ZBTB7C: variants seen among roughly 807,000 people sequenced by gnomAD.
The protein encoded by ZBTB7C is zinc finger and BTB domain-containing protein 7C.
A neutral mutation model predicts 25.7 loss-of-function variants in ZBTB7C; 8 were observed. The observed-to-expected ratio is 0.31, with a 90% CI of 0.18 to 0.56. ZBTB7C has a LOEUF of 0.56. ZBTB7C is among the 20% of genes least tolerant of loss of function. The pLI is 0.91. For synonymous variants in ZBTB7C, 394 were observed against 369.0 expected (o/e 1.07, Z -0.78); for missense variants, 824 against 855.2 (o/e 0.96, Z 0.46).
chr18:48,238,179 G>A (rs1239737028), intron 2 of ZBTB7C, among the ~76,000 whole-genome samples: 1 of 152,152 alleles, frequency 6.6e-6, no homozygotes, highest in East Asian at 1.9e-4. Context: ...CTTAAAGTGG[G>A]TGGCTTTAAG....
chr18:48,394,284 A>T (rs2047969674), intron 1 of ZBTB7C, among the ~76,000 whole-genome samples: 1 of 152,214 alleles, frequency 6.6e-6, no homozygotes, highest in East Asian at 1.9e-4. Flanking sequence ...TGCCTCTGGC[A>T]GATTCTCTAA....
At chr18:48,216,295 G>A (rs2042821308) in intron 2 of ZBTB7C, among the ~76,000 whole-genome samples, 1 of 152,202 alleles carries the variant, frequency 6.6e-6, no homozygotes, top group South Asian at 2.1e-4. Flanking sequence ...CACCAGTAAG[G>A]AGGAAGAGCT....
chr18:48,236,366 C>G (rs16948952), intron 2 of ZBTB7C, among the ~76,000 whole-genome samples: 1 of 152,166 alleles, frequency 6.6e-6, no homozygotes, highest in African/African-American at 2.4e-5. Flanking sequence ...AAACTTGGAA[C>G]AGGGTTTTAG....
chr18:48,062,764 A>G (rs1006404571), intron 3 of ZBTB7C, among the ~76,000 whole-genome samples: 1 of 152,222 alleles, frequency 6.6e-6, no homozygotes, highest in Non-Finnish European at 1.5e-5. Flanking sequence ...ATATCTGATG[A>G]AGGCCTTAAG....
At chr18:48,225,178 C>T (rs1483208493) in intron 2 of ZBTB7C, among the ~76,000 whole-genome samples, 1 of 152,152 alleles carries the variant, frequency 6.6e-6, no homozygotes, top group Non-Finnish European at 1.5e-5. Context: ...CACTGTACCC[C>T]ACTACACTTA....
intron 3 of ZBTB7C, among the ~76,000 whole-genome samples, chr18:48,131,157 G>A (rs935939308): frequency 3.0e-4 from 45 of 152,220 alleles, no homozygotes; most frequent in African/African-American, 1.0e-3. Context: ...GCCCGCCTCC[G>A]CGTCCCAAAG....
At chr18:48,243,270 C>CAAAAAAAA (rs57410285) in intron 2 of ZBTB7C, among the ~76,000 whole-genome samples, 1 of 88,284 alleles carries the variant, frequency 1.1e-5, no homozygotes, top group Non-Finnish European at 2.1e-5. Context: ...TACCCCCCCA[C>CAAAAAAAA]AAAAAAAAAA....
intron 3 of ZBTB7C, chr18:48,087,700 C>T (rs896187944): frequency 6.6e-6 from 1 of 152,136 alleles, no homozygotes; most frequent in African/African-American, 2.4e-5. Context: ...GAGGCTGAGG[C>T]AGGAACATCT....
At chr18:48,149,041 T>C (rs888348162) in intron 3 of ZBTB7C, 1 of 152,322 alleles carries the variant, frequency 6.6e-6, no homozygotes, top group Non-Finnish European at 1.5e-5. Context: ...CTTACACATT[T>C]TGTCAGTGCC....
chr18:48,282,403 T>C lies in ZBTB7C; in HGVS notation c.-79+55771A>G, dbSNP rs556558031. ...GTGCAGCAAACCAACATGGCACATGTATACATATGTAACTAACCTGCACAT... is the reference window on the plus strand; with the variant it reads ...GTGCAGCAAACCAACATGGCACATGCATACATATGTAACTAACCTGCACAT... On this transcript the variant is annotated intron_variant, in intron 2 of 4. Transcript: ENST00000590800. Among the ~76,000 whole-genome samples, 196 of 151,668 alleles carry C rather than the reference T, an allele frequency of 1.3e-3. 1 individual carries two copies. Among genetic ancestry groups the C allele is most frequent in the Non-Finnish European group, 2.4e-3 (163 of 67,880 alleles).
intron 3 of ZBTB7C, among the ~76,000 whole-genome samples, chr18:48,137,611 G>A (rs894578554): frequency 6.6e-6 from 1 of 152,216 alleles, no homozygotes; most frequent in Admixed American, 6.5e-5. Context: ...GGTCGTGAGT[G>A]TAACTTAACC....
intron 3 of ZBTB7C, among the ~76,000 whole-genome samples, chr18:48,156,060 C>T (rs2040834020): frequency 6.6e-6 from 1 of 152,208 alleles, no homozygotes; most frequent in Non-Finnish European, 1.5e-5. Flanking sequence ...TAACAACATC[C>T]TGTGTAGGAA....
chr18:48,279,716 C>G lies in ZBTB7C; in HGVS notation c.-79+58458G>C, dbSNP rs566236996. Among the ~76,000 whole-genome samples the G allele has an allele frequency of 3.7e-4, 56 of 152,204 alleles. 1 individual carries two copies. The highest frequency in any genetic ancestry group is 3.1e-4 in the Non-Finnish European group (21 of 68,032). ...CCCACTGAAGCCTCACTGGTGGGAG[C>G]TGCGCAAAGCAAGCTTCTTGAGCCC... On this transcript the variant is annotated intron_variant, in intron 2 of 4. Transcript: ENST00000590800.
chr18:48,392,618 C>A (rs2047927740), intron 1 of ZBTB7C, among the ~76,000 whole-genome samples: 1 of 152,202 alleles, frequency 6.6e-6, no homozygotes. Flanking sequence ...CAGAACTCTT[C>A]TAGCAGTTTT....
chr18:48,095,843 A>AT (rs1354492185), intron 3 of ZBTB7C, among the ~76,000 whole-genome samples: 2 of 152,218 alleles, frequency 1.3e-5, no homozygotes, highest in Non-Finnish European at 2.9e-5. Flanking sequence ...CCTACCCTTG[A>AT]TTCCCCTGAG....
chr18:48,291,212 A>C (rs1410517067), intron 2 of ZBTB7C, among the ~76,000 whole-genome samples: 1 of 152,174 alleles, frequency 6.6e-6, no homozygotes, highest in Admixed American at 6.5e-5. Flanking sequence ...GAAGCAGCCA[A>C]ACATTTATGG....
chr18:48,311,691 T>C (rs2045824546), intron 2 of ZBTB7C, among the ~76,000 whole-genome samples: 1 of 152,184 alleles, frequency 6.6e-6, no homozygotes, highest in South Asian at 2.1e-4. Context: ...ATCTGTGATC[T>C]TACCTGACAC....
At chr18:48,204,442 T>A (rs780968996) in intron 2 of ZBTB7C, among the ~76,000 whole-genome samples, 2 of 152,136 alleles carry the variant, frequency 1.3e-5, no homozygotes, top group Non-Finnish European at 2.9e-5. Context: ...GGATGACTAA[T>A]GCCCTTTTAT....
chr18:48,122,572 AGGCTGGTGAG>A (rs1177697513), intron 3 of ZBTB7C, among the ~76,000 whole-genome samples: 2 of 152,174 alleles, frequency 1.3e-5, no homozygotes, highest in Non-Finnish European at 2.9e-5. Flanking sequence ...AGAGCAGCTG[AGGCTGGTGAG>A]GGCTGGGATC....
Sources: gnomAD v4.1 joint callset for allele counts (sites outside exome capture counted in the v4.1 genomes callset) on GRCh38, gnomAD v4.1.1 for gene constraint, MANE v1.5 for transcripts, NCBI Gene and HGNC (gene_info 2026-07-23, HGNC 2026-07-21) for gene names.